Variants in UNC13A observed in about 807,000 individuals in gnomAD.
UNC13A encodes the protein unc-13 homolog A.
UNC13A carries 61 observed loss-of-function variants against 219.7 expected under a neutral mutation model. The observed-to-expected ratio is 0.28, with a 90% confidence interval of 0.23 to 0.34. UNC13A has a LOEUF of 0.34. Among genes scored for constraint, UNC13A ranks in the 10% least tolerant of loss-of-function variants. The pLI, the probability that UNC13A is intolerant of heterozygous loss-of-function variation, is 1.00. For missense variants in UNC13A, 1,476 were observed against 2,270.3 expected (o/e 0.65, Z 7.11); for synonymous variants, 920 against 884.6 (o/e 1.04, Z -0.71).
intron 11 of UNC13A, among the ~76,000 whole-genome samples, chr19:17,654,030 T>C (rs1337455020): frequency 2.0e-5 from 3 of 151,520 alleles, no homozygotes; most frequent in Non-Finnish European, 4.4e-5. Context: ...GGTTTCACCA[T>C]GTTAGCCAGG....
In UNC13A at chr19:17,674,908, G is replaced by T; in HGVS notation, c.53-152C>A. Among the ~76,000 whole-genome samples, 1 of 152,146 alleles carries T rather than the reference G, an allele frequency of 6.6e-6. No homozygotes were observed. Among genetic ancestry groups the T allele is most frequent in the East Asian group, 1.9e-4 (1 of 5,194 alleles). ...CCCACCCTCAGGGCACAAGGGAGGG[G>T]CCTCAGTGTGGGGAGACGTGGAATT... On this transcript the variant is annotated intron_variant, in intron 2 of 43. Coordinates refer to ENST00000519716, the MANE Select transcript of UNC13A (RefSeq NM_001080421.3). This position sits in a 1 kb window ranked among gnomAD's most constrained non-coding sequence, Gnocchi z 5.0.
intron 1 of UNC13A, among the ~76,000 whole-genome samples, chr19:17,681,532 G>C (rs2080018008): frequency 6.6e-6 from 1 of 152,178 alleles, no homozygotes; most frequent in South Asian, 2.1e-4. Context: ...ATAGACCAGA[G>C]CCAGACTGAG....
chr19:17,606,832 C>A (rs1345114035), intron 43 of UNC13A, among the ~76,000 whole-genome samples: 1 of 130,704 alleles, frequency 7.7e-6, no homozygotes, highest in Non-Finnish European at 1.6e-5. Context: ...CCTCTTACTT[C>A]CAAGATGCCC....
intron 9 of UNC13A, 53 bp downstream of exon 9, chr19:17,658,009 A>G (rs1157615): frequency 0.17 from 261,686 of 1,571,210 alleles, 23,336 homozygotes; most frequent in East Asian, 0.34. Context: ...CCCTCTCTCC[A>G]CTCCAGGAGA....
At position 17,674,044 on chromosome 19, in the gene UNC13A, A is replaced by C. The variant is rs12983997; in HGVS notation, c.152+613T>G. 0.21 allele frequency among the ~76,000 whole-genome samples: 31,247 copies of C among 152,276 alleles called. 3,743 individuals carry two copies. Among genetic ancestry groups the C allele is most frequent in the African/African-American group, 0.32 (13,168 of 41,534 alleles). ...CAAACAAACAAACAAAATTGGTGGCAAGGCCTGGGAAGGCATGATGCCCTG... is the reference window on the plus strand; with the variant it reads ...CAAACAAACAAACAAAATTGGTGGCCAGGCCTGGGAAGGCATGATGCCCTG... On this transcript the variant is annotated intron_variant, in intron 3 of 43. Transcript: ENST00000519716. This position sits in a 1 kb window ranked among gnomAD's most constrained non-coding sequence, Gnocchi z 5.0.
intron 1 of UNC13A, among the ~76,000 whole-genome samples, chr19:17,676,473 G>A (rs1422421640): frequency 6.6e-6 from 1 of 152,166 alleles, no homozygotes; most frequent in Non-Finnish European, 1.5e-5. Flanking sequence ...GCAGATGGTG[G>A]GAGAGGCCTC....
At chr19:17,641,685 T>TTTTTTTTTTTTTTTTTTG in intron 20 of UNC13A, 129 bp from the exon 21 acceptor site, 53 of 981,120 alleles carry the variant, frequency 5.4e-5, no homozygotes, top group Non-Finnish European at 6.2e-5. Flanking sequence ...TCTACTCTTT[T>TTTTTTTTTTTTTTTTTTG]ATCCATCCAC....
intron 21 of UNC13A, among the ~76,000 whole-genome samples, chr19:17,640,877 TTTC>T (rs1403692293): frequency 3.1e-4 from 35 of 113,510 alleles, no homozygotes; most frequent in African/African-American, 1.2e-3. Context: ...TTTTTCTTTC[TTTC>T]TTTTTTTTTT....
At position 17,611,878 on chromosome 19, in the gene UNC13A, G is replaced by A. The variant is rs374335713; in HGVS notation, c.4559-23C>T. The stretch of plus-strand genomic sequence containing the variant: ...AGCCTGGGCAGGGCAGGGGAGGATG[G>A]TCAGCGTGAGCTCTGTTCTTTCCCA... On this transcript the variant is annotated intron_variant, in intron 41 of 43. Coordinates refer to ENST00000519716, the MANE Select transcript of UNC13A (RefSeq NM_001080421.3). 2.5e-5 allele frequency: 40 copies of A among 1,604,824 alleles called. No homozygotes were observed. The African/African-American group carries it at 4.9e-4, about 20-fold the overall frequency.
At chr19:17,661,705 AAAAG>A (rs2079553619) in intron 8 of UNC13A, among the ~76,000 whole-genome samples, 2 of 152,034 alleles carry the variant, frequency 1.3e-5, no homozygotes, top group South Asian at 4.1e-4. Context: ...AAAAAAAGAA[AAAAG>A]AAAGAAGGAA....
chr19:17,639,958 C>A, intron 22 of UNC13A, 50 bp from the exon 23 acceptor site: 1 of 1,590,700 alleles, frequency 6.3e-7, no homozygotes, highest in Non-Finnish European at 8.6e-7. Context: ...GACATGGCCG[C>A]CATAGTGGCT....
intron 5 of UNC13A, among the ~76,000 whole-genome samples, chr19:17,668,952 T>A (rs1204594279): frequency 6.6e-6 from 1 of 152,126 alleles, no homozygotes; most frequent in Non-Finnish European, 1.5e-5. Context: ...CCCAGCACCA[T>A]GCCTGGTGAA....
chr19:17,647,129 A>C, intron 17 of UNC13A, 136 bp downstream of exon 17: 1 of 803,386 alleles, frequency 1.2e-6, no homozygotes, highest in South Asian at 1.7e-5. Flanking sequence ...GCGTGCACAC[A>C]CGGAGATGAG....
intron 34 of UNC13A, among the ~76,000 whole-genome samples, 152 bp from the exon 35 acceptor site, chr19:17,625,104 T>G (rs1169873871): frequency 1.3e-5 from 2 of 152,048 alleles, no homozygotes; most frequent in Non-Finnish European, 2.9e-5. Context: ...GGCTATGATA[T>G]CTGATGCATG....
At chr19:17,635,193 G>A (rs1436098779) in intron 26 of UNC13A, among the ~76,000 whole-genome samples, 1 of 151,766 alleles carries the variant, frequency 6.6e-6, no homozygotes, top group Admixed American at 6.6e-5. Context: ...TAAAGATAGG[G>A]TTTCACCATG....
intron 19 of UNC13A, among the ~76,000 whole-genome samples, chr19:17,645,315 TGG>T (rs1052899518): frequency 1.2e-4 from 18 of 152,184 alleles, no homozygotes; most frequent in African/African-American, 4.3e-4. Flanking sequence ...GGCCCCAGCC[TGG>T]ATTCTTAAAG....
chr19:17,687,067 G>A (rs528108694), intron 1 of UNC13A, among the ~76,000 whole-genome samples: 1 of 152,304 alleles, frequency 6.6e-6, no homozygotes, highest in Admixed American at 6.5e-5. Context: ...GGCGTGGAAC[G>A]GCGGTCCACA....
chr19:17,626,561 G>C, intron 34 of UNC13A, 72 bp downstream of exon 34: 2 of 1,426,074 alleles, frequency 1.4e-6, no homozygotes, highest in Non-Finnish European at 1.8e-6. Flanking sequence ...ACCCTCTCCA[G>C]CCAGTCCCTG....
rs756603896 is a variant in UNC13A, at chr19:17,629,296, C to T, written c.3697G>A (p.Ala1233Thr). Residue 1233 changes from alanine to threonine, a missense_variant, in exon 31 of 44, where the codon GCA becomes ACA. By Grantham distance (58) the Ala-to-Thr change is moderately conservative. Transcript: ENST00000519716. ...GCAAAGTCCTTGGAGATGATGTCTG[C>T]ATACTGGAGGAGCACATTACTGATG... ...KTISNVLLQY[A>T]DIISKDFASY... 1 of 1,612,212 alleles carries T rather than the reference C, an allele frequency of 6.2e-7. No homozygotes were observed. The highest frequency in any genetic ancestry group is 8.5e-7 in the Non-Finnish European group (1 of 1,179,284).
Sources: allele counts gnomAD v4.1 joint callset (sites outside exome capture counted in the v4.1 genomes callset), GRCh38; gene constraint gnomAD v4.1.1; non-coding constraint Gnocchi (gnomAD v3.1); transcripts MANE v1.5; gene names NCBI Gene and HGNC (gene_info 2026-07-23, HGNC 2026-07-21).